Variants in THADA observed in about 807,000 individuals in gnomAD.
THADA encodes THADA armadillo repeat containing.
Under a neutral mutation model 219.8 loss-of-function variants are expected in THADA, and 213 were observed. The observed-to-expected ratio is 0.97, with a 90% confidence interval of 0.87 to 1.09. The LOEUF (loss-of-function observed/expected upper bound fraction) is 1.09. Ranked by LOEUF, THADA falls within the 50% of genes least tolerant of loss-of-function variation. The pLI is 0.00. For synonymous variants in THADA, 1,018 were observed against 828.9 expected, an observed-to-expected ratio of 1.23 and a Z score of -3.92; for missense variants, 2,956 against 2,311.3, an observed-to-expected ratio of 1.28 and a Z score of -5.72.
chr2:43,566,079 C>G, intron 15 of THADA: 1 of 176,624 alleles, frequency 5.7e-6, no homozygotes, highest in East Asian at 1.5e-4. Flanking sequence ...CAGAGCTAGA[C>G]TCTGTCTCAA....
Position 43,291,683 on chromosome 2 carries a change from G to C in THADA, c.5010+13C>G. 2.0e-6 allele frequency: 3 copies of C among 1,537,914 alleles called. No homozygotes were observed. The highest frequency in any genetic ancestry group is 2.6e-6 in the Non-Finnish European group (3 of 1,138,694). ...AATCCTAGGTCCCGGAACAAGATCA[G>C]AACCAGCCTTACCTCCACACATGTC... On this transcript the variant is annotated intron_variant, in intron 34 of 37. Transcript: ENST00000405975.
chr2:43,446,934 T>A (rs1232997985), intron 26 of THADA, among the ~76,000 whole-genome samples: 1 of 152,190 alleles, frequency 6.6e-6, no homozygotes, highest in Non-Finnish European at 1.5e-5. Flanking sequence ...CTTGATCTCT[T>A]CCACCTGCTG....
At chr2:43,384,142 G>A (rs1177594308) in intron 29 of THADA, among the ~76,000 whole-genome samples, 2 of 152,154 alleles carry the variant, frequency 1.3e-5, no homozygotes, top group African/African-American at 2.4e-5. Context: ...GCTCTCATTC[G>A]GGAGGGAGAA....
At chr2:43,238,179 A>G (rs1294776537) in intron 36 of THADA, among the ~76,000 whole-genome samples, 1 of 144,282 alleles carries the variant, frequency 6.9e-6, no homozygotes, top group Admixed American at 6.9e-5. Context: ...GGGAGGGAGG[A>G]AGGAAAGAAG....
intron 28 of THADA, among the ~76,000 whole-genome samples, chr2:43,403,366 C>A (rs1675112760): frequency 6.6e-6 from 1 of 152,158 alleles, no homozygotes; most frequent in Non-Finnish European, 1.5e-5. Context: ...GCTAACATCT[C>A]CTGAACACTT....
At chr2:43,401,821 C>A (rs183662122) in intron 28 of THADA, among the ~76,000 whole-genome samples, 76 of 152,226 alleles carry the variant, frequency 5.0e-4, no homozygotes, top group Admixed American at 9.2e-4. Context: ...TCTCTGGCTA[C>A]CCAACCTGTA....
intron 29 of THADA, among the ~76,000 whole-genome samples, chr2:43,381,308 T>TGATTGAAC (rs1671999107): frequency 6.6e-6 from 1 of 151,962 alleles, no homozygotes; most frequent in Non-Finnish European, 1.5e-5. Flanking sequence ...TTGAAATAAA[T>TGATTGAAC]GATTGAACAA....
chr2:43,443,322 T>A (rs1009055509), intron 26 of THADA, among the ~76,000 whole-genome samples: 1 of 152,144 alleles, frequency 6.6e-6, no homozygotes, highest in Non-Finnish European at 1.5e-5. Flanking sequence ...ACAAAATGCA[T>A]CATCAGGTAT....
At chr2:43,504,255 T>G (rs181095905) in intron 24 of THADA, among the ~76,000 whole-genome samples, 2 of 152,266 alleles carry the variant, frequency 1.3e-5, no homozygotes, top group African/African-American at 4.8e-5. Flanking sequence ...TTTCAGTCAA[T>G]TTTTTAAAGA....
chr2:43,537,932 C>A (rs942696420), intron 21 of THADA, among the ~76,000 whole-genome samples: 3 of 147,168 alleles, frequency 2.0e-5, no homozygotes, highest in Admixed American at 6.7e-5. Context: ...AGAATGGGAC[C>A]CAGACTCAAA....
chr2:43,397,502 C>G (rs146657729), intron 29 of THADA, among the ~76,000 whole-genome samples: 3 of 152,010 alleles, frequency 2.0e-5, no homozygotes, highest in African/African-American at 7.2e-5. Context: ...ACAGAGAAAA[C>G]AGGAAAGGTT....
At position 43,574,795 on chromosome 2, in the gene THADA, G is replaced by T; in HGVS notation, c.1270C>A (p.Leu424Ile). 8 of 1,614,014 alleles carry T rather than the reference G, an allele frequency of 5.0e-6. No homozygotes were observed. The highest frequency in any genetic ancestry group is 6.8e-6 in the Non-Finnish European group (8 of 1,179,900). ...ACGAAATCTGCACCTTCCACAGTGA[G>T]CCGGTGCATTTGGAGAAGGTTTTTG... Reference protein sequence around the residue: ...MFKNLLQMHRLTVEGADFVPD... With the variant: ...MFKNLLQMHRITVEGADFVPD... The change falls in exon 11 of 38, where the codon CTC becomes ATC. Residue 424 changes from leucine to isoleucine, a missense_variant. Transcript: ENST00000405975.
At chr2:43,290,222 T>G (rs1190183219) in intron 34 of THADA, among the ~76,000 whole-genome samples, 1 of 151,966 alleles carries the variant, frequency 6.6e-6, no homozygotes, top group African/African-American at 2.4e-5. Context: ...TCTGCCTGCC[T>G]TGACCTCCTA....
chr2:43,475,244 G>A (rs748092786), intron 26 of THADA, among the ~76,000 whole-genome samples: 12 of 151,666 alleles, frequency 7.9e-5, no homozygotes, highest in African/African-American at 2.2e-4. Flanking sequence ...GGCGAAACCC[G>A]GTCTCTACAA....
chr2:43,532,686 C>T (rs112813837), intron 21 of THADA, among the ~76,000 whole-genome samples: 15,349 of 152,030 alleles, frequency 0.1, 833 homozygotes, highest in South Asian at 0.14. Flanking sequence ...CTTTGAAAAC[C>T]GGCACAAGAC....
intron 20 of THADA, among the ~76,000 whole-genome samples, chr2:43,548,008 G>C (rs2103858392): frequency 6.6e-6 from 1 of 152,130 alleles, no homozygotes; most frequent in Admixed American, 6.5e-5. Context: ...ATCTACTTTT[G>C]GTCTTTGATG....
intron 22 of THADA, among the ~76,000 whole-genome samples, chr2:43,514,215 C>T (rs1289150258): frequency 2.6e-5 from 4 of 151,450 alleles, no homozygotes; most frequent in Non-Finnish European, 4.4e-5. Context: ...TTTGGAAGGA[C>T]GAGGCAGGCA....
intron 26 of THADA, among the ~76,000 whole-genome samples, chr2:43,462,651 A>G (rs540851130): frequency 5.9e-5 from 9 of 152,160 alleles, no homozygotes; most frequent in Non-Finnish European, 1.3e-4. Context: ...AGGAAGACCA[A>G]AGAATTTTGG....
chr2:43,359,728 T>G (rs1402987323), intron 29 of THADA, among the ~76,000 whole-genome samples: 1 of 152,040 alleles, frequency 6.6e-6, no homozygotes, highest in Non-Finnish European at 1.5e-5. Context: ...CTTAGGCATT[T>G]TCTTGGCTGA....
Sources: gnomAD v4.1 joint callset for allele counts (sites outside exome capture counted in the v4.1 genomes callset) on GRCh38, gnomAD v4.1.1 for gene constraint, MANE v1.5 for transcripts, NCBI Gene and HGNC (gene_info 2026-07-23, HGNC 2026-07-21) for gene names.